HIVEP1: variants seen among roughly 807,000 people sequenced by gnomAD.
HIVEP1 encodes the protein HIVEP zinc finger 1.
A neutral mutation model predicts 180.0 loss-of-function variants in HIVEP1; 36 were observed. That is an observed-to-expected ratio of 0.20 (90% CI 0.15 to 0.26). The LOEUF (loss-of-function observed/expected upper bound fraction) is 0.26, where lower values mean the gene tolerates loss of function less well. Ranked by LOEUF, HIVEP1 falls within the 10% of genes least tolerant of loss-of-function variation. The pLI is 1.00. For synonymous variants in HIVEP1, 1,239 were observed against 1,239.0 expected (o/e 1.00, Z 0.00); for missense variants, 3,143 against 3,268.7 (o/e 0.96, Z 0.94).
chr6:12,151,264 TGA>T (rs1184958552), intron 7 of HIVEP1, among the ~76,000 whole-genome samples: 1 of 152,190 alleles, frequency 6.6e-6, no homozygotes, highest in Admixed American at 6.5e-5. Flanking sequence ...TTGTTTATAA[TGA>T]GAGGGGAATG....
chr6:12,077,823 A>T (rs896751192), intron 2 of HIVEP1, among the ~76,000 whole-genome samples: 1 of 152,126 alleles, frequency 6.6e-6, no homozygotes, highest in Non-Finnish European at 1.5e-5. Context: ...AGGGGGTTGG[A>T]CAGTTATTTT....
intron 2 of HIVEP1, among the ~76,000 whole-genome samples, 153 bp from the exon 3 acceptor site, chr6:12,089,031 A>G (rs1181867878): frequency 1.3e-5 from 2 of 152,146 alleles, no homozygotes; most frequent in Non-Finnish European, 1.5e-5. Flanking sequence ...AAGGGAATAT[A>G]TCCTTCAACA....
intron 7 of HIVEP1, among the ~76,000 whole-genome samples, chr6:12,158,910 A>C (rs1004968922): frequency 5.3e-5 from 8 of 152,168 alleles, no homozygotes; most frequent in African/African-American, 1.9e-4. Flanking sequence ...TATCTGGAAC[A>C]CAGCGGACAC....
Position 12,163,497 on chromosome 6 carries a change from T to C in HIVEP1, c.7193T>C (p.Met2398Thr). 2 of 1,614,194 alleles carry C rather than the reference T, an allele frequency of 1.2e-6. No homozygotes were observed. The highest frequency in any genetic ancestry group is 8.5e-7 in the Non-Finnish European group (1 of 1,180,016). Reference protein sequence around the residue: ...SQQQSRTPYNMVPVGGIHVVP... With the variant: ...SQQQSRTPYNTVPVGGIHVVP... Reference sequence around the variant, plus strand: ...CAGCAATCGAGGACACCTTATAATATGGTTCCAGTTGGGGGGATCCATGTG... The same window carrying C: ...CAGCAATCGAGGACACCTTATAATACGGTTCCAGTTGGGGGGATCCATGTG... Residue 2398 changes from methionine to threonine, a missense_variant, in exon 9 of 9, where the codon ATG (methionine) becomes ACG (threonine). By Grantham distance (81) the Met-to-Thr change is moderately conservative. Transcript: ENST00000379388.
the HIVEP1 span, among the ~76,000 whole-genome samples, chr6:12,184,928 C>A: frequency 1.2e-4 from 18 of 152,104 alleles, no homozygotes; most frequent in Non-Finnish European, 2.1e-4. Context: ...ACATTTCAGG[C>A]TAAGGTTTAA....
At chr6:12,013,954 A>G (rs1767571034) in intron 1 of HIVEP1, among the ~76,000 whole-genome samples, 1 of 152,242 alleles carries the variant, frequency 6.6e-6, no homozygotes, top group African/African-American at 2.4e-5. Context: ...TCTTTGCTGT[A>G]ATGAAACCAT....
At position 12,073,159 on chromosome 6, in the gene HIVEP1, G is replaced by A. The variant is rs1456706148; in HGVS notation, c.41-16025G>A. Among the ~76,000 whole-genome samples the A allele has an allele frequency of 2.0e-5, 3 of 152,170 alleles. No homozygotes were observed. The East Asian group carries it at 5.8e-4, about 29-fold the overall frequency. On this transcript the variant is annotated intron_variant, in intron 2 of 8. Coordinates refer to ENST00000379388, the MANE Select transcript of HIVEP1 (RefSeq NM_002114.4). ...GAGGCTTGCTTTGAGGCCTTTTAGA[G>A]TAGGTCTGTTGAGTTGCCCGTAGTC... is the stretch of plus-strand genomic sequence containing the variant.
At chr6:12,149,671 C>G (rs1759586843) in intron 7 of HIVEP1, among the ~76,000 whole-genome samples, 1 of 152,138 alleles carries the variant, frequency 6.6e-6, no homozygotes, top group African/African-American at 2.4e-5. Context: ...TAAAGGTTTT[C>G]TCCATATTTC....
At position 12,070,014 on chromosome 6, in the gene HIVEP1, T is replaced by G. The variant is rs375564487; in HGVS notation, c.41-19170T>G. 1.5e-3 allele frequency among the ~76,000 whole-genome samples: 233 copies of G among 152,274 alleles called. 2 individuals carry two copies. The highest frequency in any genetic ancestry group is 5.3e-3 in the African/African-American group (220 of 41,562). Reference sequence around the variant, plus strand: ...CTGCACAGACTCAGGCTCATCAGTATCATTGTCTTCCATCTCTACATCTTG... The same window carrying G: ...CTGCACAGACTCAGGCTCATCAGTAGCATTGTCTTCCATCTCTACATCTTG... On this transcript the variant is annotated intron_variant, in intron 2 of 8. Coordinates refer to ENST00000379388, the MANE Select transcript of HIVEP1 (RefSeq NM_002114.4).
At chr6:12,053,808 A>G (rs918819418) in intron 2 of HIVEP1, among the ~76,000 whole-genome samples, 3 of 152,272 alleles carry the variant, frequency 2.0e-5, no homozygotes, top group African/African-American at 7.2e-5. Flanking sequence ...AAATCTGCCA[A>G]GCTCTGTTAT....
At chr6:12,177,623 T>C in the HIVEP1 span, among the ~76,000 whole-genome samples, 2 of 152,334 alleles carry the variant, frequency 1.3e-5, no homozygotes, top group Admixed American at 6.5e-5. Flanking sequence ...TTGATTGTTA[T>C]TAATCTGGGG....
intron 7 of HIVEP1, among the ~76,000 whole-genome samples, chr6:12,145,580 A>C (rs1759325555): frequency 6.6e-6 from 1 of 151,304 alleles, no homozygotes; most frequent in African/African-American, 2.4e-5. Flanking sequence ...CCCTGCCTTC[A>C]GCTCTCTAGC....
At chr6:12,149,929 T>C (rs1447115709) in intron 7 of HIVEP1, among the ~76,000 whole-genome samples, 3 of 152,222 alleles carry the variant, frequency 2.0e-5, no homozygotes, top group South Asian at 2.1e-4. Flanking sequence ...GGTACCTGTC[T>C]TATCTTTTAG....
chr6:12,113,056 G>T (rs1156704185), intron 3 of HIVEP1, among the ~76,000 whole-genome samples: 1 of 151,862 alleles, frequency 6.6e-6, no homozygotes. Context: ...CTGCTTACAC[G>T]CTTGGGGCAC....
At chr6:12,010,900 C>A (rs1032513536), upstream of HIVEP1, among the ~76,000 whole-genome samples, 12 of 152,284 alleles carry the variant, frequency 7.9e-5, no homozygotes, top group African/African-American at 2.6e-4. Context: ...TCCCCTCTTC[C>A]CTGGAGCCCG....
chr6:12,020,641 G>T (rs1377424830), intron 2 of HIVEP1, among the ~76,000 whole-genome samples: 1 of 151,956 alleles, frequency 6.6e-6, no homozygotes, highest in African/African-American at 2.4e-5. Flanking sequence ...GTGTTTCAAA[G>T]CTTTGAAAAA....
chr6:12,157,227 A>G (rs1272141183), intron 7 of HIVEP1, among the ~76,000 whole-genome samples: 1 of 152,176 alleles, frequency 6.6e-6, no homozygotes, highest in Non-Finnish European at 1.5e-5. Flanking sequence ...CGTTTCTTAT[A>G]TACAGTATAT....
At chr6:12,012,997 G>C (rs1304624296) in intron 1 of HIVEP1, among the ~76,000 whole-genome samples, 1 of 152,162 alleles carries the variant, frequency 6.6e-6, no homozygotes, top group East Asian at 1.9e-4. Context: ...AGCTGCAGTT[G>C]GGAAGGGGGC....
the HIVEP1 span, among the ~76,000 whole-genome samples, chr6:12,190,623 C>G: frequency 2.0e-5 from 3 of 152,174 alleles, no homozygotes; most frequent in African/African-American, 7.2e-5. Context: ...GGCATCCACT[C>G]TAACACAGAG....
Sources: allele counts gnomAD v4.1 joint callset (sites outside exome capture counted in the v4.1 genomes callset), GRCh38; gene constraint gnomAD v4.1.1; transcripts MANE v1.5; gene names NCBI Gene and HGNC (gene_info 2026-07-23, HGNC 2026-07-21).